The following SPMAP1 variants were observed in gnomAD, a reference collection of about 807,000 sequenced individuals.
SPMAP1 encodes the protein sperm microtubule associated protein 1.
chr17:38,841,333 C>A, the SPMAP1 span: 6 of 1,614,076 alleles, frequency 3.7e-6, no homozygotes, highest in Non-Finnish European at 5.1e-6. Flanking sequence ...TCACAGCCAC[C>A]CCGTCCAAGA....
At chr17:38,836,106 G>A in the SPMAP1 span, among the ~76,000 whole-genome samples, 1 of 151,872 alleles carries the variant, frequency 6.6e-6, no homozygotes, top group East Asian at 1.9e-4. Context: ...AGTAGAGACG[G>A]GGTTTCACTA....
the SPMAP1 span, chr17:38,841,375 G>A: frequency 1.2e-6 from 2 of 1,613,960 alleles, no homozygotes; most frequent in Non-Finnish European, 1.7e-6. Flanking sequence ...GGCGACACTC[G>A]CTCAGGTACG....
At chr17:38,841,235 C>T in the SPMAP1 span, 1 of 1,614,176 alleles carries the variant, frequency 6.2e-7, no homozygotes, top group Non-Finnish European at 8.5e-7. Context: ...GAAGTAGCTG[C>T]GGGCGTGGTA....
chr17:38,840,787 G>T, the SPMAP1 span, among the ~76,000 whole-genome samples: 1 of 151,080 alleles, frequency 6.6e-6, no homozygotes, highest in Admixed American at 6.6e-5. Context: ...GCCTGGGCGA[G>T]AATCAGACCC....
the SPMAP1 span, among the ~76,000 whole-genome samples, chr17:38,838,858 G>C: frequency 6.6e-6 from 1 of 152,004 alleles, no homozygotes; most frequent in Non-Finnish European, 1.5e-5. Flanking sequence ...GCTGAGGCAG[G>C]TGGATCACTT....
the SPMAP1 span, among the ~76,000 whole-genome samples, chr17:38,835,800 C>G: frequency 6.6e-6 from 1 of 152,158 alleles, no homozygotes; most frequent in South Asian, 2.1e-4. Flanking sequence ...AGGGTTTACC[C>G]TGTTAGAAAA....
chr17:38,836,776 A>C, the SPMAP1 span, among the ~76,000 whole-genome samples: 2 of 151,448 alleles, frequency 1.3e-5, no homozygotes, highest in African/African-American at 4.9e-5. Flanking sequence ...TTGTATTTTT[A>C]GTAGAGACAG....
At chr17:38,835,490 G>A in the SPMAP1 span, 1 of 870,142 alleles carries the variant, frequency 1.1e-6, no homozygotes, top group Non-Finnish European at 1.8e-6. Context: ...AGTGTCCTGA[G>A]ACTCTGGGCT....
At chr17:38,836,031 C>G in the SPMAP1 span, among the ~76,000 whole-genome samples, 1 of 152,090 alleles carries the variant, frequency 6.6e-6, no homozygotes, top group Non-Finnish European at 1.5e-5. Flanking sequence ...TCTCCTGCCT[C>G]AGCCTCCTAA....
At chr17:38,840,244 G>C in the SPMAP1 span, among the ~76,000 whole-genome samples, 2 of 152,170 alleles carry the variant, frequency 1.3e-5, no homozygotes, top group Non-Finnish European at 2.9e-5. Context: ...GTCTCGCCCT[G>C]CAGGTCAAAT....
the SPMAP1 span, chr17:38,837,231 C>T: frequency 1.8e-5 from 29 of 1,612,424 alleles, no homozygotes; most frequent in Admixed American, 5.0e-5. Context: ...CTTCCTGTAC[C>T]GCCATGATCC....
chr17:38,835,216 T>C, the SPMAP1 span: 3 of 1,614,210 alleles, frequency 1.9e-6, no homozygotes, highest in Non-Finnish European at 2.5e-6. Flanking sequence ...GGGTGACCTC[T>C]CCGAAGACGG....
chr17:38,838,947 G>A, the SPMAP1 span, among the ~76,000 whole-genome samples: 5 of 151,658 alleles, frequency 3.3e-5, no homozygotes, highest in African/African-American at 2.4e-5. Flanking sequence ...CTAACTGGGT[G>A]TGGTGGCGGG....
chr17:38,840,883 G>A, the SPMAP1 span, among the ~76,000 whole-genome samples: 1 of 151,644 alleles, frequency 6.6e-6, no homozygotes, highest in Non-Finnish European at 1.5e-5. Context: ...TGGCGCGCCT[G>A]TAACCCCAGC....
chr17:38,840,617 C>CAAAAAAAAAAAAA, the SPMAP1 span, among the ~76,000 whole-genome samples: 4 of 48,724 alleles, frequency 8.2e-5, no homozygotes, highest in African/African-American at 2.7e-4. Context: ...CCCCTCTCTA[C>CAAAAAAAAAAAAA]AAAAAAAAAA....
the SPMAP1 span, chr17:38,835,224 C>T: frequency 1.6e-5 from 26 of 1,614,206 alleles, no homozygotes; most frequent in East Asian, 1.6e-4. Context: ...TCTCCGAAGA[C>T]GGACGTGCTC....
chr17:38,835,440 G>A, the SPMAP1 span: 23 of 1,318,398 alleles, frequency 1.7e-5, no homozygotes, highest in South Asian at 1.6e-4. Flanking sequence ...CCAACCAGGC[G>A]TAGTCACTTG....
chr17:38,837,171 A>G, the SPMAP1 span: 122 of 1,613,730 alleles, frequency 7.6e-5, no homozygotes, highest in Non-Finnish European at 1.0e-4. Flanking sequence ...CTGTTGAGGT[A>G]TCTTTGTCCT....
At chr17:38,837,163 G>T in the SPMAP1 span, 1 of 1,613,462 alleles carries the variant, frequency 6.2e-7, no homozygotes. Flanking sequence ...AATTTCTCCT[G>T]TTGAGGTATC....
Sources: gnomAD v4.1 joint callset for allele counts (sites outside exome capture counted in the v4.1 genomes callset) on GRCh38, gnomAD v4.1.1 for gene constraint, MANE v1.5 for transcripts, NCBI Gene and HGNC (gene_info 2026-07-23, HGNC 2026-07-21) for gene names.